The following SP1 variants were observed in gnomAD, a reference collection of about 807,000 sequenced individuals.
The protein encoded by SP1 is transcription factor Sp1.
A neutral mutation model predicts 66.3 loss-of-function variants in SP1; 6 were observed. That is an observed-to-expected ratio of 0.09 (90% CI 0.05 to 0.18). SP1 has a LOEUF of 0.18. Ranked by LOEUF, SP1 falls within the 10% of genes least tolerant of loss-of-function variation. The pLI is 1.00. For synonymous variants in SP1, 417 were observed against 360.8 expected, an observed-to-expected ratio of 1.16 and a Z score of -1.77; for missense variants, 848 against 964.5, an observed-to-expected ratio of 0.88 and a Z score of 1.60.
intron 3 of SP1, among the ~76,000 whole-genome samples, chr12:53,385,099 A>T (rs1177884229): frequency 6.7e-6 from 1 of 148,842 alleles, no homozygotes; most frequent in African/African-American, 2.5e-5. Context: ...GTTCAAGACC[A>T]GCGTGGCCAG....
intron 3 of SP1, among the ~76,000 whole-genome samples, chr12:53,405,504 C>T (rs1290544347): frequency 6.6e-6 from 1 of 151,996 alleles, no homozygotes; most frequent in Non-Finnish European, 1.5e-5. Context: ...CCCATCTCTC[C>T]TAAAAATACA....
chr12:53,397,382 C>A (rs1013497387), intron 3 of SP1, among the ~76,000 whole-genome samples: 1 of 151,854 alleles, frequency 6.6e-6, no homozygotes, highest in East Asian at 1.9e-4. Flanking sequence ...CCCATCTCAT[C>A]CTCCGCTCAA....
intron 3 of SP1, among the ~76,000 whole-genome samples, chr12:53,393,228 T>C (rs1432397114): frequency 4.6e-5 from 7 of 152,218 alleles, no homozygotes; most frequent in Non-Finnish European, 1.0e-4. Context: ...GCGAGAGGAC[T>C]GGTTTAGCCC....
intron 3 of SP1, among the ~76,000 whole-genome samples, chr12:53,389,472 G>A (rs1361939192): frequency 6.6e-6 from 1 of 151,876 alleles, no homozygotes; most frequent in Non-Finnish European, 1.5e-5. Flanking sequence ...GCCTCCCAAA[G>A]TGCTGGGATT....
In SP1 at chr12:53,380,265, C is replaced by A; in HGVS notation, c.-27C>A. 1 of 1,592,440 alleles carries A rather than the reference C, an allele frequency of 6.3e-7. No individual in the cohort carries two copies. Among genetic ancestry groups the A allele is most frequent in the Non-Finnish European group, 8.6e-7 (1 of 1,163,348 alleles). Reference sequence around the variant, plus strand: ...CCCCCAACCCCCCCGGACAGGACCCCCTTGAGCTTGTCCCTCAGCTGCCAC... The same window carrying A: ...CCCCCAACCCCCCCGGACAGGACCCACTTGAGCTTGTCCCTCAGCTGCCAC... On this transcript the variant is annotated 5_prime_UTR_variant, in exon 1 of 6. Transcript: ENST00000327443.
At chr12:53,401,610 GA>G (rs1392938371) in intron 3 of SP1, among the ~76,000 whole-genome samples, 1 of 152,088 alleles carries the variant, frequency 6.6e-6, no homozygotes, top group African/African-American at 2.4e-5. Context: ...AAGAAAATAT[GA>G]TTTGGGGCCA....
At chr12:53,392,347 ATTTTTTT>A (rs574953864) in intron 3 of SP1, among the ~76,000 whole-genome samples, 7 of 85,342 alleles carry the variant, frequency 8.2e-5, no homozygotes, top group Admixed American at 3.9e-4. Context: ...CACCTGGCTA[ATTTTTTT>A]TTTTTTTTTT....
At chr12:53,394,509 T>C (rs1435903697) in intron 3 of SP1, among the ~76,000 whole-genome samples, 1 of 146,932 alleles carries the variant, frequency 6.8e-6, no homozygotes, top group African/African-American at 2.5e-5. Flanking sequence ...TGGGATCAAG[T>C]GGGTCTGCTT....
chr12:53,405,538 C>T (rs1938713484), intron 3 of SP1, among the ~76,000 whole-genome samples: 1 of 151,998 alleles, frequency 6.6e-6, no homozygotes, highest in African/African-American at 2.4e-5. Context: ...GTCATGGTGG[C>T]ATATACCTGT....
chr12:53,383,615 T>C lies in SP1; in HGVS notation c.1668T>C (p.Asn556=), dbSNP rs755108127. The C allele has an allele frequency of 5.0e-6, 8 of 1,602,556 alleles. No homozygotes were observed. The highest frequency in any genetic ancestry group is 6.8e-6 in the Non-Finnish European group (8 of 1,174,492). Residue 556 remains asparagine, a synonymous_variant, in exon 3 of 6, where the codon AAT becomes AAC. Transcript: ENST00000327443. ...PIQGLPLAIA[N]APGDHGAQLG... ...AAGGCCTGCCGTTGGCTATAGCAAA[T>C]GCCCCAGGTAAGATTTCCAATCTTG...
chr12:53,396,634 C>T (rs753687513), intron 3 of SP1, among the ~76,000 whole-genome samples: 12 of 152,106 alleles, frequency 7.9e-5, no homozygotes, highest in Non-Finnish European at 1.3e-4. Flanking sequence ...TTCTGTGCTC[C>T]GGTTGCTTTT....
chr12:53,385,903 A>T (rs1048164660), intron 3 of SP1, among the ~76,000 whole-genome samples: 1 of 145,906 alleles, frequency 6.9e-6, no homozygotes, highest in African/African-American at 2.6e-5. Context: ...ACAGAGTGAG[A>T]CTCCGTCTCA....
Position 53,380,239 on chromosome 12 carries a change from C to A in SP1, c.-53C>A, listed in dbSNP as rs1938049611. Reference sequence around the variant, plus strand: ...GTCAGCGTCCGCGTTTTTCCCGGCCCCCCCCAACCCCCCCGGACAGGACCC... The same window carrying A: ...GTCAGCGTCCGCGTTTTTCCCGGCCACCCCCAACCCCCCCGGACAGGACCC... On this transcript the variant is annotated 5_prime_UTR_variant, in exon 1 of 6. Coordinates refer to ENST00000327443, the MANE Select transcript of SP1 (RefSeq NM_138473.3). 2 of 1,108,690 alleles carry A rather than the reference C, an allele frequency of 1.8e-6. No homozygotes were observed. The highest frequency in any genetic ancestry group is 2.8e-6 in the Non-Finnish European group (2 of 725,708). 68.7% of individuals were successfully genotyped at this position (1,108,690 alleles called of 1,614,324 possible).
intron 3 of SP1, among the ~76,000 whole-genome samples, chr12:53,388,477 T>G (rs933147571): frequency 6.6e-6 from 1 of 152,190 alleles, no homozygotes; most frequent in African/African-American, 2.4e-5. Flanking sequence ...AAGGAGATAA[T>G]GAGGCATTGA....
chr12:53,408,539 A>G (rs1007068163), intron 4 of SP1, among the ~76,000 whole-genome samples: 1 of 151,258 alleles, frequency 6.6e-6, no homozygotes, highest in Non-Finnish European at 1.5e-5. Flanking sequence ...TGATCAATCC[A>G]CCTGCCTCGG....
chr12:53,389,327 T>G (rs1938300587), intron 3 of SP1, among the ~76,000 whole-genome samples: 1 of 150,182 alleles, frequency 6.7e-6, no homozygotes, highest in Admixed American at 6.7e-5. Flanking sequence ...GTTCAAGCAA[T>G]TCTCCTGCCT....
At chr12:53,403,265 AAGTCT>A (rs1938652939) in intron 3 of SP1, among the ~76,000 whole-genome samples, 1 of 152,232 alleles carries the variant, frequency 6.6e-6, no homozygotes, top group African/African-American at 2.4e-5. Flanking sequence ...TCTAGATGTT[AAGTCT>A]GTCCTACCTC....
Position 53,383,361 on chromosome 12 carries a change from C to T in SP1, c.1414C>T (p.Leu472Phe), listed in dbSNP as rs1416645642. Reference protein sequence around the residue: ...VSWQTLQLQNLQVQNPQAQTI... With the variant: ...VSWQTLQLQNFQVQNPQAQTI... ...TTGGCAGACTCTACAGCTGCAGAAC[C>T]TCCAAGTTCAGAACCCACAAGCCCA... Residue 472 changes from leucine (L) to phenylalanine (F), a missense_variant, in exon 3 of 6, where the codon CTC becomes TTC. Physicochemically the swap from Leu to Phe is conservative, Grantham distance 22. Around this residue, in one of 7 missense-constraint regions of SP1, gnomAD observed 606 missense variants for 589.9 expected, o/e 1.03. Transcript: ENST00000327443. 3.1e-6 allele frequency: 5 copies of T among 1,614,214 alleles called. No homozygotes were observed. The highest frequency in any genetic ancestry group is 3.4e-6 in the Non-Finnish European group (4 of 1,180,042).
At chr12:53,400,581 C>CTTTGT (rs1183426034) in intron 3 of SP1, among the ~76,000 whole-genome samples, 3 of 151,898 alleles carry the variant, frequency 2.0e-5, no homozygotes, top group Admixed American at 2.0e-4. Context: ...GAGTCTGTAT[C>CTTTGT]TTTGTTTTGT....
Sources: gnomAD v4.1 joint callset for allele counts (sites outside exome capture counted in the v4.1 genomes callset) on GRCh38, gnomAD v4.1.1 for gene constraint, gnomAD v4.1.1 regional missense constraint, MANE v1.5 for transcripts, NCBI Gene and HGNC (gene_info 2026-07-23, HGNC 2026-07-21) for gene names.